IPCEF1: variants seen among roughly 807,000 people sequenced by gnomAD.
The protein encoded by IPCEF1 is interactor protein for cytohesin exchange factors 1.
A neutral mutation model predicts 50.9 loss-of-function variants in IPCEF1; 31 were observed. The observed-to-expected ratio is 0.61, with a 90% CI of 0.46 to 0.82. IPCEF1 has a LOEUF of 0.82. Among genes scored for constraint, IPCEF1 ranks in the 40% least tolerant of loss-of-function variants. IPCEF1 has a pLI of 0.00. For synonymous variants in IPCEF1, 181 were observed against 192.0 expected, an observed-to-expected ratio of 0.94 and a Z score of 0.47; for missense variants, 458 against 514.0, an observed-to-expected ratio of 0.89 and a Z score of 1.05.
rs139403194 is a variant in IPCEF1, at chr6:154,251,737, G to T, written c.37-4249C>A. ...AAGGACTAGAGATTGTGGCGAAGAT[G>T]GATACCACGGCACTTTCCACCTAGA... On this transcript the variant is annotated intron_variant, in intron 3 of 11. Coordinates refer to ENST00000367220, the MANE Select transcript of IPCEF1 (RefSeq NM_001130700.2). Among the ~76,000 whole-genome samples, 13 of 152,256 alleles carry T rather than the reference G, an allele frequency of 8.5e-5. No individual in the cohort carries two copies. The East Asian group carries it at 1.3e-3, about 16-fold the overall frequency.
intron 9 of IPCEF1, among the ~76,000 whole-genome samples, chr6:154,212,558 T>A (rs532954976): frequency 2.3e-4 from 35 of 152,324 alleles, no homozygotes; most frequent in Admixed American, 6.5e-4. Flanking sequence ...CATCTTCGGG[T>A]CACACACAAA....
intron 9 of IPCEF1, among the ~76,000 whole-genome samples, chr6:154,210,780 AT>A (rs959874638): frequency 6.6e-6 from 1 of 152,226 alleles, no homozygotes; most frequent in African/African-American, 2.4e-5. Flanking sequence ...TCAAAGTTTA[AT>A]TTTATTTATA....
At chr6:154,249,890 C>T (rs1781293782) in intron 3 of IPCEF1, among the ~76,000 whole-genome samples, 1 of 136,120 alleles carries the variant, frequency 7.3e-6, no homozygotes, top group Admixed American at 8.1e-5. Context: ...GCAGAACAGG[C>T]ACCCAACTCA....
intron 3 of IPCEF1, among the ~76,000 whole-genome samples, chr6:154,253,697 T>C (rs1781392722): frequency 6.6e-6 from 1 of 152,214 alleles, no homozygotes; most frequent in African/African-American, 2.4e-5. Context: ...TTTTAGATAT[T>C]CCCACGTTTC....
intron 9 of IPCEF1, among the ~76,000 whole-genome samples, chr6:154,207,161 G>A (rs953783423): frequency 6.6e-6 from 1 of 152,236 alleles, no homozygotes; most frequent in Non-Finnish European, 1.5e-5. Context: ...GGGAGCAGAA[G>A]GCAGGAGAGA....
chr6:154,179,319 CA>C (rs558905917), intron 10 of IPCEF1, among the ~76,000 whole-genome samples: 3 of 152,150 alleles, frequency 2.0e-5, no homozygotes, highest in Non-Finnish European at 4.4e-5. Context: ...TTCAGTAAAG[CA>C]GTATTTTAAA....
chr6:154,336,082 G>A (rs1163614210), intron 1 of IPCEF1, among the ~76,000 whole-genome samples: 1 of 152,218 alleles, frequency 6.6e-6, no homozygotes, highest in East Asian at 1.9e-4. Flanking sequence ...ATGTAAATTA[G>A]TATAGCCACT....
At chr6:154,278,662 C>T (rs1270493793) in intron 2 of IPCEF1, among the ~76,000 whole-genome samples, 1 of 151,780 alleles carries the variant, frequency 6.6e-6, no homozygotes, top group Non-Finnish European at 1.5e-5. Flanking sequence ...AGGAATAAGC[C>T]AAAGATTCTC....
chr6:154,212,617 T>G (rs1778055449), intron 9 of IPCEF1, among the ~76,000 whole-genome samples, 153 bp downstream of exon 9: 1 of 152,196 alleles, frequency 6.6e-6, no homozygotes, highest in South Asian at 2.1e-4. Flanking sequence ...AGGCTCAAAA[T>G]CAGCACCCTG....
chr6:154,287,976 C>T (rs1782404539), intron 2 of IPCEF1, among the ~76,000 whole-genome samples: 2 of 152,204 alleles, frequency 1.3e-5, no homozygotes, highest in South Asian at 4.1e-4. Context: ...TACTGCCTGA[C>T]TCATCAGTAA....
intron 1 of IPCEF1, among the ~76,000 whole-genome samples, chr6:154,321,119 C>A (rs1017780016): frequency 1.3e-5 from 2 of 151,602 alleles, no homozygotes; most frequent in African/African-American, 2.4e-5. Context: ...TTTGTAGCGA[C>A]GGGGTTTCTC....
At chr6:154,249,952 T>C (rs1485918519) in intron 3 of IPCEF1, among the ~76,000 whole-genome samples, 1 of 151,996 alleles carries the variant, frequency 6.6e-6, no homozygotes, top group Non-Finnish European at 1.5e-5. Flanking sequence ...AGCTTAGTTA[T>C]TGAGTCATTG....
chr6:154,227,031 T>A (rs1207804171), intron 5 of IPCEF1, among the ~76,000 whole-genome samples: 1 of 151,968 alleles, frequency 6.6e-6, no homozygotes, highest in African/African-American at 2.4e-5. Flanking sequence ...ACTCTATCTC[T>A]ACTAAAAATT....
At chr6:154,283,024 A>G (rs1326404719) in intron 2 of IPCEF1, among the ~76,000 whole-genome samples, 2 of 151,952 alleles carry the variant, frequency 1.3e-5, no homozygotes, top group Non-Finnish European at 2.9e-5. Context: ...GCAGGGCAGG[A>G]ACCTCATTCC....
chr6:154,231,811 C>T (rs982973430), intron 5 of IPCEF1, among the ~76,000 whole-genome samples: 5 of 152,188 alleles, frequency 3.3e-5, no homozygotes, highest in East Asian at 3.9e-4. Flanking sequence ...ACTTTGGAAT[C>T]GGGTACATGA....
chr6:154,314,840 A>G (rs1306468313), intron 1 of IPCEF1, among the ~76,000 whole-genome samples: 3 of 151,828 alleles, frequency 2.0e-5, no homozygotes, highest in African/African-American at 7.3e-5. Flanking sequence ...CTTTCCCTTC[A>G]GGGCCCCATC....
intron 9 of IPCEF1, among the ~76,000 whole-genome samples, chr6:154,201,826 C>T (rs1323855964): frequency 1.3e-5 from 2 of 152,096 alleles, no homozygotes; most frequent in Admixed American, 6.6e-5. Flanking sequence ...ACTCAAGAAG[C>T]GGAAGTTGCA....
At chr6:154,276,287 AAAAAAG>A (rs1381496533) in intron 2 of IPCEF1, among the ~76,000 whole-genome samples, 2 of 77,036 alleles carry the variant, frequency 2.6e-5, no homozygotes, top group Non-Finnish European at 7.1e-5. Context: ...AGAAAAGAAA[AAAAAAG>A]AAAAGAAAAG....
chr6:154,296,180 G>C (rs1232904323), intron 1 of IPCEF1, among the ~76,000 whole-genome samples: 1 of 152,166 alleles, frequency 6.6e-6, no homozygotes, highest in Non-Finnish European at 1.5e-5. Flanking sequence ...GAAGGGAAAG[G>C]AGCCCTTTTG....
Sources: allele counts gnomAD v4.1 joint callset (sites outside exome capture counted in the v4.1 genomes callset), GRCh38; gene constraint gnomAD v4.1.1; transcripts MANE v1.5; gene names NCBI Gene and HGNC (gene_info 2026-07-23, HGNC 2026-07-21).